The following SYNE1 variants were observed in gnomAD, a reference collection of about 807,000 sequenced individuals.
SYNE1 encodes spectrin repeat containing nuclear envelope protein 1.
A neutral mutation model predicts 1,111.0 loss-of-function variants in SYNE1; 616 were observed. That is an observed-to-expected ratio of 0.55 (90% CI 0.52 to 0.59). SYNE1 has a LOEUF of 0.59. Among genes scored for constraint, SYNE1 ranks in the 20% least tolerant of loss-of-function variants. The pLI is 0.00. For synonymous variants in SYNE1, 3,855 were observed against 3,825.8 expected, an observed-to-expected ratio of 1.01 and a Z score of -0.28; for missense variants, 10,006 against 10,417.0, an observed-to-expected ratio of 0.96 and a Z score of 1.72.
Position 152,218,990 on chromosome 6 carries a change from A to G in SYNE1, c.22044+13T>C, listed in dbSNP as rs762896506. 2 of 1,612,764 alleles carry G rather than the reference A, an allele frequency of 1.2e-6. No homozygotes were observed. Among genetic ancestry groups the G allele is most frequent in the East Asian group, 2.2e-5 (1 of 44,874 alleles). On this transcript the variant is annotated intron_variant, in intron 120 of 145. Coordinates refer to ENST00000367255, the MANE Select transcript of SYNE1 (RefSeq NM_182961.4). ...AGCCAATATACAGAAGATACTAAATAGGAGCTCTGTACCTGTAATGAAGTC... is the reference window on the plus strand; with the variant it reads ...AGCCAATATACAGAAGATACTAAATGGGAGCTCTGTACCTGTAATGAAGTC...
chr6:152,429,907 T>C (rs1333705962), intron 36 of SYNE1, among the ~76,000 whole-genome samples: 1 of 152,236 alleles, frequency 6.6e-6, no homozygotes, highest in East Asian at 1.9e-4. Context: ...ACTCCTTTAA[T>C]ATACATCTTT....
In SYNE1 at chr6:152,184,238, C is replaced by T. The variant is rs555562601; in HGVS notation, c.23302-3944G>A. ...ATCACTTGAGGTCAGGAGTTTGAGA[C>T]CAGCCTGGCCAACATGGTGAAACCA... On this transcript the variant is annotated intron_variant, in intron 128 of 145. Coordinates refer to ENST00000367255, the MANE Select transcript of SYNE1 (RefSeq NM_182961.4). 1.8e-4 allele frequency among the ~76,000 whole-genome samples: 28 copies of T among 152,194 alleles called. No homozygotes were observed. In the South Asian group the frequency reaches 2.7e-3, roughly 15 times the overall value.
chr6:152,571,430 G>A (rs760147425), intron 3 of SYNE1, among the ~76,000 whole-genome samples: 13 of 152,180 alleles, frequency 8.5e-5, no homozygotes, highest in Non-Finnish European at 1.5e-4. Flanking sequence ...TGAAGGAATG[G>A]AGAATACATG....
At chr6:152,155,307 C>T (rs1299264713) in intron 132 of SYNE1, 6 of 448,684 alleles carry the variant, frequency 1.3e-5, no homozygotes, top group Non-Finnish European at 2.1e-5. Context: ...AAGCACATCA[C>T]ACGAGCTGCC....
chr6:152,232,059 C>T lies in SYNE1; in HGVS notation c.20862+57G>A. On this transcript the variant is annotated intron_variant, in intron 113 of 145. Transcript: ENST00000367255. ...TTACCATAATTTGAGTTTTTTAGTT[C>T]TTTCAAATAAAATGGTCTGAAAATA... 3.0e-6 allele frequency: 4 copies of T among 1,340,846 alleles called. No individual in the cohort carries two copies. In the South Asian group the frequency reaches 4.9e-5, roughly 16 times the overall value. 83.1% of individuals were successfully genotyped at this position (1,340,846 alleles called of 1,614,324 possible).
At chr6:152,391,241 C>A in intron 52 of SYNE1, 36 bp downstream of exon 52, 6 of 1,612,754 alleles carry the variant, frequency 3.7e-6, no homozygotes, top group Non-Finnish European at 5.1e-6. Context: ...AATTAGCATT[C>A]AGCAGTTGTC....
In SYNE1 at chr6:152,406,935, T is replaced by C. The variant is rs532123382; in HGVS notation, c.6723+79A>G. 3.2e-5 allele frequency: 38 copies of C among 1,183,576 alleles called. No homozygotes were observed. In the East Asian group the frequency reaches 4.3e-4, roughly 13 times the overall value. The allele number at this position is 1,183,576 out of a possible 1,614,324, so 73.3% of individuals were successfully genotyped here. A position where few individuals can be genotyped will look rare whatever the true frequency, so the allele number is the denominator to read the frequency against. On this transcript the variant is annotated intron_variant, in intron 45 of 145. Coordinates refer to ENST00000367255, the MANE Select transcript of SYNE1 (RefSeq NM_182961.4). ...AAAAGTTAAAAGAAGAATAAACTTT[T>C]AAGAAAGACTTTTTTTTTTTTTCAT...
chr6:152,435,403 C>T (rs1429269448), intron 33 of SYNE1: 1 of 149,536 alleles, frequency 6.7e-6, no homozygotes, highest in African/African-American at 2.5e-5. Context: ...GATAAACAAA[C>T]ATTAAAAGTT....
chr6:152,224,448 C>T, intron 117 of SYNE1, 46 bp downstream of exon 117: 1 of 1,575,266 alleles, frequency 6.3e-7, no homozygotes, highest in Non-Finnish European at 8.7e-7. Flanking sequence ...TTTCAGTTTT[C>T]TAAAATTAAA....
rs186786134 is a variant in SYNE1 at position 152,193,874 on chromosome 6, G to C, written c.23146-4467C>G. Among the ~76,000 whole-genome samples the C allele has an allele frequency of 2.1e-3, 319 of 151,840 alleles. 1 individual carries two copies. Among genetic ancestry groups the C allele is most frequent in the Admixed American group, 4.3e-3 (65 of 15,232 alleles). The stretch of plus-strand genomic sequence containing the variant: ...AAAAAATACAAAAAATTAGCCGGGC[G>C]TGGTGGTGGGTGCCTGTAGTCCCAG... On this transcript the variant is annotated intron_variant, in intron 127 of 145. Coordinates refer to ENST00000367255, the MANE Select transcript of SYNE1 (RefSeq NM_182961.4).
At chr6:152,355,296 G>T (rs557930393) in intron 66 of SYNE1, among the ~76,000 whole-genome samples, 1 of 152,276 alleles carries the variant, frequency 6.6e-6, no homozygotes, top group Admixed American at 6.5e-5. Flanking sequence ...TTAAAAGAAT[G>T]ACCTAGGCTT....
intron 25 of SYNE1, 54 bp downstream of exon 25, chr6:152,453,532 C>T (rs757851704): frequency 6.2e-7 from 1 of 1,613,830 alleles, no homozygotes. Flanking sequence ...TTAACACGCT[C>T]AAGCTTCTCC....
intron 3 of SYNE1, among the ~76,000 whole-genome samples, chr6:152,604,198 G>T (rs1481760287): frequency 1.3e-5 from 2 of 151,574 alleles, no homozygotes; most frequent in Non-Finnish European, 2.9e-5. Context: ...GTGTGTGTAT[G>T]TAGTGGTATT....
intron 11 of SYNE1, among the ~76,000 whole-genome samples, chr6:152,496,852 G>A (rs959662376): frequency 6.6e-5 from 10 of 152,110 alleles, no homozygotes; most frequent in South Asian, 4.2e-4. Context: ...TGCCTTAACC[G>A]ATGACATTCC....
At chr6:152,496,798 G>A (rs2099001855) in intron 11 of SYNE1, among the ~76,000 whole-genome samples, 2 of 152,172 alleles carry the variant, frequency 1.3e-5, no homozygotes, top group South Asian at 4.1e-4. Context: ...TCAGATGGCT[G>A]AGGCAACTGA....
At position 152,278,202 on chromosome 6, in the gene SYNE1, C is replaced by A. The variant is rs528094877; in HGVS notation, c.18460G>T (p.Gly6154Cys). Residue 6154 changes from glycine to cysteine, a missense_variant, in exon 98 of 146, where the codon GGC becomes TGC. Around this residue, in one of 7 missense-constraint regions of SYNE1, gnomAD observed 99 missense variants for 147.8 expected, o/e 0.67. Coordinates refer to ENST00000367255, the MANE Select transcript of SYNE1 (RefSeq NM_182961.4). ...GCCTCGTCCTTGGTGTGAGCTTTGC[C>A]CTCCAGCAGCAGGTTCTCATTGTGG... ...SVHNENLLLE[G>C]KAHTKDEAEQ... The A allele has an allele frequency of 6.8e-6, 11 of 1,614,164 alleles. No individual in the cohort carries two copies. The Admixed American group carries it at 1.7e-4, about 24-fold the overall frequency.
chr6:152,433,630 G>A, intron 34 of SYNE1, 165 bp downstream of exon 34: 1 of 747,982 alleles, frequency 1.3e-6, no homozygotes, highest in Non-Finnish European at 2.2e-6. Flanking sequence ...ATGTTGCCCA[G>A]TATTAATCCA....
At chr6:152,580,199 A>G (rs1176710159) in intron 3 of SYNE1, among the ~76,000 whole-genome samples, 2 of 152,120 alleles carry the variant, frequency 1.3e-5, no homozygotes, top group Non-Finnish European at 2.9e-5. Flanking sequence ...CTTTTTAGTA[A>G]TAGCTATTAT....
intron 3 of SYNE1, among the ~76,000 whole-genome samples, chr6:152,597,851 A>G (rs1206118388): frequency 6.6e-6 from 1 of 152,116 alleles, no homozygotes; most frequent in African/African-American, 2.4e-5. Flanking sequence ...TATAGCAACT[A>G]TGGTAGTGAG....
Sources: gnomAD v4.1 joint callset for allele counts (sites outside exome capture counted in the v4.1 genomes callset) on GRCh38, gnomAD v4.1.1 for gene constraint, gnomAD v4.1.1 regional missense constraint, MANE v1.5 for transcripts, NCBI Gene and HGNC (gene_info 2026-07-23, HGNC 2026-07-21) for gene names.